Variants in EXOC6B observed in about 807,000 individuals in gnomAD.
EXOC6B encodes SEC15 homolog B.
In EXOC6B, 54 loss-of-function variants were observed where a neutral mutation model predicts 113.5. The ratio of observed to expected loss-of-function variants is 0.48; its 90% CI spans 0.38 to 0.60. The LOEUF (loss-of-function observed/expected upper bound fraction) is 0.60. Among genes scored for constraint, EXOC6B ranks in the 20% least tolerant of loss-of-function variants. The pLI is 0.00. For missense variants in EXOC6B, 797 were observed against 977.5 expected (o/e 0.82, Z 2.46); for synonymous variants, 357 against 339.0 (o/e 1.05, Z -0.58).
chr2:72,307,560 C>T (rs764239513), intron 20 of EXOC6B, among the ~76,000 whole-genome samples: 16 of 152,178 alleles, frequency 1.1e-4, no homozygotes, highest in Admixed American at 6.5e-5. Context: ...CTGCATTTTA[C>T]TGATCTACTC....
At chr2:72,631,467 G>T (rs1444495846) in intron 6 of EXOC6B, among the ~76,000 whole-genome samples, 191 of 3,624 alleles carry the variant, frequency 0.053, 2 homozygotes, top group Admixed American at 0.079. Flanking sequence ...TATATAGAGA[G>T]AGAGAGAGAG....
At chr2:72,192,167 A>G (rs1262229754) in intron 20 of EXOC6B, among the ~76,000 whole-genome samples, 4 of 152,124 alleles carry the variant, frequency 2.6e-5, no homozygotes, top group Non-Finnish European at 5.9e-5. Context: ...AAGGATGGGG[A>G]TTATGTCTTT....
At chr2:72,219,887 T>A (rs1680762329) in intron 20 of EXOC6B, among the ~76,000 whole-genome samples, 1 of 152,206 alleles carries the variant, frequency 6.6e-6, no homozygotes, top group Non-Finnish European at 1.5e-5. Context: ...AGGCTCAGAT[T>A]GGTTAAGTGA....
chr2:72,485,551 T>A (rs1699379581), intron 16 of EXOC6B, among the ~76,000 whole-genome samples: 1 of 152,198 alleles, frequency 6.6e-6, no homozygotes, highest in African/African-American at 2.4e-5. Flanking sequence ...AAAAACTGTG[T>A]CAACCACTCA....
At position 72,764,641 on chromosome 2, in the gene EXOC6B, C is replaced by T. The variant is rs557137059; in HGVS notation, c.114-23172G>A. 1.8e-3 allele frequency among the ~76,000 whole-genome samples: 271 copies of T among 152,182 alleles called. 2 individuals are homozygous for T. The highest frequency in any genetic ancestry group is 6.3e-3 in the African/African-American group (262 of 41,546). ...TCAGCCTCCCAAAGTGCTGGGATGA[C>T]AGGCATGAGCCACCGTGCCTGACCC... On this transcript the variant is annotated intron_variant, in intron 1 of 21. Transcript: ENST00000272427.
Position 72,512,367 on chromosome 2 carries a change from AGAAGGAAGGAAGGAAG to A in EXOC6B, c.1167+749_1167+764del, listed in dbSNP as rs1281809681. On this transcript the variant is annotated intron_variant, in intron 11 of 21. Coordinates refer to ENST00000272427, the MANE Select transcript of EXOC6B (RefSeq NM_015189.3). ...AGGAAGGAAGGAAGGAAGGAAGGAA[AGAAGGAAGGAAGGAAG>A]GAAGGAAGGAAGGAAGGAAGGAAGG... 5.1e-3 allele frequency among the ~76,000 whole-genome samples: 69 copies of A among 13,614 alleles called. 1 individual carries two copies. Among genetic ancestry groups the A allele is most frequent in the African/African-American group, 0.011 (63 of 5,578 alleles). The allele number at this position is 13,614 out of a possible 152,430, so 8.9% of individuals were successfully genotyped here. A position where few individuals can be genotyped will look rare whatever the true frequency, so the allele number is the denominator to read the frequency against.
chr2:72,409,513 T>C (rs1478959112), intron 18 of EXOC6B, among the ~76,000 whole-genome samples: 2 of 152,076 alleles, frequency 1.3e-5, no homozygotes, highest in African/African-American at 4.8e-5. Context: ...TTGGCACATA[T>C]ACACCATGGA....
intron 20 of EXOC6B, among the ~76,000 whole-genome samples, chr2:72,252,256 T>A (rs1438832453): frequency 6.6e-6 from 1 of 151,864 alleles, no homozygotes; most frequent in East Asian, 1.9e-4. Context: ...AGGGGTAAAA[T>A]TTCTGCCACT....
chr2:72,783,318 C>CTTTTTTTTTTTTTTTTTT (rs70963146), intron 1 of EXOC6B, among the ~76,000 whole-genome samples: 38 of 60,414 alleles, frequency 6.3e-4, no homozygotes, highest in Non-Finnish European at 8.8e-4. Flanking sequence ...TTTTTCTTTT[C>CTTTTTTTTTTTTTTTTTT]TTTTTTTTTT....
rs78406751 is a variant in EXOC6B, at chr2:72,290,451, G to A, written c.2196+44496C>T. 3.9e-3 allele frequency among the ~76,000 whole-genome samples: 586 copies of A among 152,050 alleles called. 5 individuals are homozygous for A. Among genetic ancestry groups the A allele is most frequent in the African/African-American group, 0.014 (561 of 41,486 alleles). ...AGAATAATTACAATTTTTCAAACAA[G>A]TCTCAAAGATGATCTTCAACAAAAT... is the stretch of plus-strand genomic sequence containing the variant. On this transcript the variant is annotated intron_variant, in intron 20 of 21. Coordinates refer to ENST00000272427, the MANE Select transcript of EXOC6B (RefSeq NM_015189.3).
chr2:72,361,482 T>C (rs998720777), intron 19 of EXOC6B, among the ~76,000 whole-genome samples: 7 of 152,150 alleles, frequency 4.6e-5, no homozygotes, highest in African/African-American at 1.4e-4. Context: ...AGATCTGTAA[T>C]GGAATGCCTG....
chr2:72,454,422 T>G lies in EXOC6B; in HGVS notation c.1980+10738A>C, dbSNP rs1697092594. Reference sequence around the variant, plus strand: ...TGCAGGGCTGTTGTGGGCGGATTGCTTGAGCTTGAGAGGGCGAGGCTGCAG... The same window carrying G: ...TGCAGGGCTGTTGTGGGCGGATTGCGTGAGCTTGAGAGGGCGAGGCTGCAG... On this transcript the variant is annotated intron_variant, in intron 18 of 21. Coordinates refer to ENST00000272427, the MANE Select transcript of EXOC6B (RefSeq NM_015189.3). 2.0e-5 allele frequency among the ~76,000 whole-genome samples: 3 copies of G among 152,082 alleles called. No individual in the cohort carries two copies. The South Asian group carries it at 6.2e-4, about 32-fold the overall frequency.
intron 1 of EXOC6B, among the ~76,000 whole-genome samples, chr2:72,778,889 T>C (rs1399074718): frequency 6.6e-6 from 1 of 152,194 alleles, no homozygotes; most frequent in Non-Finnish European, 1.5e-5. Context: ...CAAACAAATA[T>C]ATTAGTTTTT....
chr2:72,638,305 G>A (rs968910604), intron 6 of EXOC6B, among the ~76,000 whole-genome samples: 3 of 152,124 alleles, frequency 2.0e-5, no homozygotes, highest in Non-Finnish European at 4.4e-5. Context: ...GTTGAACAAT[G>A]AAGAAATCTA....
At chr2:72,270,686 A>G (rs891469640) in intron 20 of EXOC6B, among the ~76,000 whole-genome samples, 1 of 152,112 alleles carries the variant, frequency 6.6e-6, no homozygotes, top group Non-Finnish European at 1.5e-5. Context: ...TCCAAAATGT[A>G]TCAGTAGCAG....
chr2:72,353,610 G>A (rs1184653548), intron 19 of EXOC6B, among the ~76,000 whole-genome samples: 1 of 151,882 alleles, frequency 6.6e-6, no homozygotes, highest in Non-Finnish European at 1.5e-5. Flanking sequence ...CTGACCTCAA[G>A]TGATCCGACC....
intron 1 of EXOC6B, among the ~76,000 whole-genome samples, chr2:72,774,035 C>T (rs1172898068): frequency 6.6e-6 from 1 of 152,150 alleles, no homozygotes; most frequent in Admixed American, 6.5e-5. Flanking sequence ...TGTTATACTT[C>T]AAATGAATAT....
intron 18 of EXOC6B, among the ~76,000 whole-genome samples, chr2:72,449,231 G>A (rs1279857369): frequency 6.6e-6 from 1 of 151,756 alleles, no homozygotes; most frequent in Non-Finnish European, 1.5e-5. Flanking sequence ...CGCCCAGGCT[G>A]GAGTGCAGTG....
At chr2:72,523,569 G>C (rs1031230638) in intron 8 of EXOC6B, among the ~76,000 whole-genome samples, 6 of 152,114 alleles carry the variant, frequency 3.9e-5, no homozygotes, top group African/African-American at 1.4e-4. Flanking sequence ...ACGAGGTCAG[G>C]AGATCGTAGC....
Sources: allele counts gnomAD v4.1 joint callset (sites outside exome capture counted in the v4.1 genomes callset), GRCh38; gene constraint gnomAD v4.1.1; transcripts MANE v1.5; gene names NCBI Gene and HGNC (gene_info 2026-07-23, HGNC 2026-07-21).